The following FMNL2 variants were observed in gnomAD, a reference collection of about 807,000 sequenced individuals.
The protein encoded by FMNL2 is formin-like protein 2.
A neutral mutation model predicts 130.2 loss-of-function variants in FMNL2; 51 were observed. The ratio of observed to expected loss-of-function variants is 0.39; its 90% CI spans 0.31 to 0.49. FMNL2 has a LOEUF of 0.49. Ranked by LOEUF, FMNL2 falls within the 20% of genes least tolerant of loss-of-function variation. The pLI, the probability that FMNL2 is intolerant of heterozygous loss-of-function variation, is 0.85. For synonymous variants in FMNL2, 465 were observed against 467.1 expected, an observed-to-expected ratio of 1.00 and a Z score of 0.06; for missense variants, 977 against 1,316.2, an observed-to-expected ratio of 0.74 and a Z score of 3.99.
intron 1 of FMNL2, among the ~76,000 whole-genome samples, chr2:152,412,765 C>G (rs1579603951): frequency 6.6e-6 from 1 of 151,824 alleles, no homozygotes; most frequent in Non-Finnish European, 1.5e-5. Context: ...CATGATTGTG[C>G]TGCTGCACTC....
chr2:152,566,185 T>C (rs1039193135), intron 6 of FMNL2, among the ~76,000 whole-genome samples: 1 of 152,258 alleles, frequency 6.6e-6, no homozygotes, highest in Admixed American at 6.5e-5. Context: ...AATTCAAATG[T>C]AGGTCCTTGT....
chr2:152,360,187 G>A (rs992204064), intron 1 of FMNL2, among the ~76,000 whole-genome samples: 1 of 152,172 alleles, frequency 6.6e-6, no homozygotes, highest in Non-Finnish European at 1.5e-5. Context: ...CTCTTCAGAT[G>A]TATCTTACTT....
At chr2:152,504,315 C>T (rs916568681) in intron 1 of FMNL2, among the ~76,000 whole-genome samples, 2 of 149,926 alleles carry the variant, frequency 1.3e-5, no homozygotes, top group East Asian at 2.0e-4. Context: ...AGGCCAATCT[C>T]GGCTCACTGC....
At position 152,630,431 on chromosome 2, in the gene FMNL2, G is replaced by GT. The variant is rs1449361620; in HGVS notation, c.2550+527dup. Among the ~76,000 whole-genome samples the GT allele has an allele frequency of 3.3e-5, 5 of 152,178 alleles. No homozygotes were observed. The South Asian group carries it at 1.0e-3, about 31-fold the overall frequency. The stretch of plus-strand genomic sequence containing the variant: ...AGGAAATTTTTTCAAACTGCTTTTT[G>GT]TAAGTACTTTTCTATATTTTCTTAA... On this transcript the variant is annotated intron_variant, in intron 20 of 25. Coordinates refer to ENST00000288670, the MANE Select transcript of FMNL2 (RefSeq NM_052905.4).
chr2:152,616,010 A>G (rs920489996), intron 12 of FMNL2, among the ~76,000 whole-genome samples: 1 of 152,194 alleles, frequency 6.6e-6, no homozygotes, highest in Non-Finnish European at 1.5e-5. Context: ...AGAATTTTAC[A>G]GGCCCAGTAT....
intron 1 of FMNL2, among the ~76,000 whole-genome samples, chr2:152,408,823 C>T (rs1390564648): frequency 6.6e-6 from 1 of 152,026 alleles, no homozygotes; most frequent in Non-Finnish European, 1.5e-5. Context: ...ACAGAATGGT[C>T]GTATGGGTAC....
chr2:152,359,030 AT>A (rs1683007152), intron 1 of FMNL2, among the ~76,000 whole-genome samples: 1 of 152,150 alleles, frequency 6.6e-6, no homozygotes, highest in Non-Finnish European at 1.5e-5. Flanking sequence ...TTAGCAAAAA[AT>A]TTTTAGTACC....
Position 152,440,354 on chromosome 2 carries a change from T to C in FMNL2, c.118-81589T>C, listed in dbSNP as rs114534429. ...AAGAGAAAAGTTTGATAAATGTGCA[T>C]GCTGTGACTTTATGCTTGCAAAAAA... On this transcript the variant is annotated intron_variant, in intron 1 of 25. Coordinates refer to ENST00000288670, the MANE Select transcript of FMNL2 (RefSeq NM_052905.4). 6.3e-3 allele frequency among the ~76,000 whole-genome samples: 960 copies of C among 152,304 alleles called. 10 individuals are homozygous for C. The highest frequency in any genetic ancestry group is 0.022 in the African/African-American group (907 of 41,558).
chr2:152,568,693 CAAG>C (rs987042358), intron 6 of FMNL2, among the ~76,000 whole-genome samples: 2 of 152,116 alleles, frequency 1.3e-5, no homozygotes, highest in African/African-American at 4.8e-5. Flanking sequence ...ATGGTGACAA[CAAG>C]AAGTGCTGAG....
chr2:152,456,503 T>C (rs925581433), intron 1 of FMNL2, among the ~76,000 whole-genome samples: 4 of 152,178 alleles, frequency 2.6e-5, no homozygotes, highest in Non-Finnish European at 4.4e-5. Flanking sequence ...TGCCCAAGAA[T>C]GTTGAATTTA....
chr2:152,362,295 C>A (rs189022868), intron 1 of FMNL2, among the ~76,000 whole-genome samples: 8 of 152,078 alleles, frequency 5.3e-5, no homozygotes, highest in Non-Finnish European at 7.4e-5. Flanking sequence ...AGGATGATAT[C>A]AAGTACAGTG....
chr2:152,340,505 A>G (rs1322364665), intron 1 of FMNL2, among the ~76,000 whole-genome samples: 2 of 152,230 alleles, frequency 1.3e-5, no homozygotes, highest in South Asian at 2.1e-4. Flanking sequence ...ATTTTCAAGC[A>G]TGGAGTTAAA....
At chr2:152,394,051 A>G (rs6708667) in intron 1 of FMNL2, among the ~76,000 whole-genome samples, 111,923 of 152,112 alleles carry the variant, frequency 0.74, 41,598 homozygotes, top group East Asian at 0.91. Context: ...TGACCCTTGT[A>G]ATAGATGATA....
chr2:152,601,671 C>CTTTT lies in FMNL2; in HGVS notation c.877-5655_877-5652dup, dbSNP rs34914295. ...GGCTCTCTTTTCTTTTCTTTTCTTT[C>CTTTT]TTTTTTTTTTTTTTTTGAGACAGAG... On this transcript the variant is annotated intron_variant, in intron 9 of 25. Transcript: ENST00000288670. Among the ~76,000 whole-genome samples, 51 of 103,474 alleles carry CTTTT rather than the reference C, an allele frequency of 4.9e-4. 2 individuals carry two copies. The highest frequency in any genetic ancestry group is 1.2e-3 in the South Asian group (4 of 3,258). The allele number at this position is 103,474 out of a possible 152,430, so 67.9% of individuals were successfully genotyped here.
chr2:152,554,347 C>T (rs370129881), intron 4 of FMNL2, among the ~76,000 whole-genome samples: 24 of 152,180 alleles, frequency 1.6e-4, no homozygotes, highest in East Asian at 1.2e-3. Context: ...GTTGAGGCTA[C>T]AGTAAGCCAT....
intron 1 of FMNL2, among the ~76,000 whole-genome samples, chr2:152,431,638 A>G (rs529080822): frequency 4.7e-4 from 72 of 152,286 alleles, no homozygotes; most frequent in Non-Finnish European, 9.1e-4. Context: ...CCTTGACCAA[A>G]TAGAAGAAAT....
chr2:152,628,177 T>G, intron 17 of FMNL2, 122 bp from the exon 18 acceptor site: 2 of 801,180 alleles, frequency 2.5e-6, no homozygotes, highest in Non-Finnish European at 4.1e-6. Flanking sequence ...ACTCGTTGAT[T>G]TGGTGTTTGA....
chr2:152,647,848 GC>G lies in FMNL2; in HGVS notation c.3223del (p.Arg1075GlyfsTer16). The G allele has an allele frequency of 6.2e-7, 1 of 1,613,948 alleles. No homozygotes were observed. Among genetic ancestry groups the G allele is most frequent in the South Asian group, 1.1e-5 (1 of 91,082 alleles). ...RADAVRRSVRRRFDDQNLRSV... is the reference protein window; with the variant it reads ...RADAVRRSVRXRFDDQNLRSV... ...CCGATGCGGTGAGGAGAAGCGTCAG[GC>G]GGCGCTTTGATGATCAGAACTTGCG... On this transcript the variant is annotated frameshift_variant, in exon 26 of 26. Transcript: ENST00000288670. LOFTEE classifies it high-confidence loss of function.
chr2:152,468,819 A>G (rs1179475012), intron 1 of FMNL2, among the ~76,000 whole-genome samples: 1 of 152,194 alleles, frequency 6.6e-6, no homozygotes, highest in East Asian at 1.9e-4. Flanking sequence ...CAAGTGCTCA[A>G]AAGATAATTA....
Sources: gnomAD v4.1 joint callset for allele counts (sites outside exome capture counted in the v4.1 genomes callset) on GRCh38, gnomAD v4.1.1 for gene constraint, MANE v1.5 for transcripts, NCBI Gene and HGNC (gene_info 2026-07-23, HGNC 2026-07-21) for gene names.